MIER1: variants seen among roughly 807,000 people sequenced by gnomAD.
MIER1 encodes MIER1 transcriptional regulator.
A neutral mutation model predicts 75.7 loss-of-function variants in MIER1; 40 were observed. The observed-to-expected ratio is 0.53, with a 90% CI of 0.41 to 0.69. MIER1 has a LOEUF of 0.69. Among genes scored for constraint, MIER1 ranks in the 30% least tolerant of loss-of-function variants. The probability of loss-of-function intolerance (pLI) is 0.00; values close to 1 mark genes in which losing one functional copy is unlikely to be tolerated. For synonymous variants in MIER1, 213 were observed against 223.4 expected (o/e 0.95, Z 0.42); for missense variants, 574 against 680.2 (o/e 0.84, Z 1.74).
At position 66,985,145 on chromosome 1, in the gene MIER1, C is replaced by G; in HGVS notation, c.*245C>G. The G allele has an allele frequency of 4.7e-6, 5 of 1,075,228 alleles. No homozygotes were observed. The highest frequency in any genetic ancestry group is 5.7e-6 in the Non-Finnish European group (5 of 874,706). 66.6% of individuals were successfully genotyped at this position (1,075,228 alleles called of 1,614,324 possible). A position where few individuals can be genotyped will look rare whatever the true frequency, so the allele number is the denominator to read the frequency against. On this transcript the variant is annotated 3_prime_UTR_variant, in exon 14 of 14. Transcript: ENST00000401041. ...TGAATGAACTAAAGATATATCTCTA[C>G]CTTCTCATTTGAATATCTTTAGTTC...
chr1:66,976,307 C>G (rs1171898311), intron 11 of MIER1, among the ~76,000 whole-genome samples: 1 of 152,028 alleles, frequency 6.6e-6, no homozygotes, highest in African/African-American at 2.4e-5. Flanking sequence ...CGGCCAACTT[C>G]CAAGCATTTT....
chr1:66,946,249 T>C lies in MIER1; in HGVS notation c.293T>C (p.Met98Thr). ...CGAACATTAGAAGAGGAAGAAATGA[T>C]GGAAGGAGAAACAAACTTCAGCTCT... ...DERTLEEEEMMEGETNFSSEI... is the reference protein window; with the variant it reads ...DERTLEEEEMTEGETNFSSEI... The change falls in exon 4 of 14, where the codon ATG (methionine) becomes ACG (threonine). Residue 98 changes from methionine to threonine, a missense_variant. Around this residue, in one of 3 missense-constraint regions of MIER1, gnomAD observed 309 missense variants for 352.8 expected, o/e 0.88. Coordinates refer to ENST00000401041, the MANE Select transcript of MIER1 (RefSeq NM_001077700.3). 1 of 1,610,012 alleles carries C rather than the reference T, an allele frequency of 6.2e-7. No homozygotes were observed. Among genetic ancestry groups the C allele is most frequent in the Non-Finnish European group, 8.5e-7 (1 of 1,178,982 alleles).
At chr1:66,926,874 A>G (rs1373041463) in intron 2 of MIER1, among the ~76,000 whole-genome samples, 1 of 152,154 alleles carries the variant, frequency 6.6e-6, no homozygotes, top group African/African-American at 2.4e-5. Context: ...TTCTTGGTGC[A>G]TTTTGAGAGG....
chr1:66,976,405 A>G (rs561037158), intron 11 of MIER1, among the ~76,000 whole-genome samples, 190 bp from the exon 12 acceptor site: 6 of 152,230 alleles, frequency 3.9e-5, no homozygotes, highest in African/African-American at 7.2e-5. Flanking sequence ...CCTGTTGCCA[A>G]TATATTATTT....
rs550716928 is a variant in MIER1 at position 66,933,145 on chromosome 1, G to GACGC, written c.169-6882_169-6879dup. The stretch of plus-strand genomic sequence containing the variant: ...AAATTATTTACCAACCTTCTAAAAG[G>GACGC]ACGCTCTCCTAGTCACACTTGAAGG... On this transcript the variant is annotated intron_variant, in intron 2 of 13. Coordinates refer to ENST00000401041, the MANE Select transcript of MIER1 (RefSeq NM_001077700.3). Among the ~76,000 whole-genome samples the GACGC allele has an allele frequency of 2.5e-4, 38 of 152,160 alleles. No homozygotes were observed. The East Asian group carries it at 3.1e-3, about 12-fold the overall frequency.
At position 66,988,242 on chromosome 1, in the gene MIER1, T is replaced by C. The variant is rs534190051; in HGVS notation, c.*3342T>C. 1 of 152,486 alleles carries C rather than the reference T, an allele frequency of 6.6e-6. No homozygotes were observed. The highest frequency in any genetic ancestry group is 2.1e-4 in the South Asian group (1 of 4,834). 9.4% of individuals were successfully genotyped at this position (152,486 alleles called of 1,614,324 possible). ...CAGGAGTTTCCAAATTTTAACCTTT[T>C]ATTCTAAAAATGACTCTCTTCTCTC... is the stretch of plus-strand genomic sequence containing the variant. On this transcript the variant is annotated 3_prime_UTR_variant, in exon 14 of 14. Transcript: ENST00000401041.
chr1:66,980,907 G>C (rs1359783229), intron 12 of MIER1, among the ~76,000 whole-genome samples: 2 of 152,026 alleles, frequency 1.3e-5, no homozygotes, highest in African/African-American at 2.4e-5. Context: ...TTGCAGGAAA[G>C]CAGTCATAGA....
At chr1:66,925,675 T>C (rs1217326778) in intron 1 of MIER1, 1 of 430,346 alleles carries the variant, frequency 2.3e-6, no homozygotes, top group Non-Finnish European at 3.1e-6. Flanking sequence ...CGCCGCTCTT[T>C]ACTCTTGTTC....
intron 2 of MIER1, chr1:66,932,687 C>T (rs551199970): frequency 1.3e-5 from 2 of 152,134 alleles, no homozygotes; most frequent in South Asian, 2.1e-4. Context: ...AATTATTGTG[C>T]TTTTGATCAA....
intron 3 of MIER1, chr1:66,940,258 T>C (rs12410530): frequency 2.7e-6 from 1 of 376,242 alleles, no homozygotes; most frequent in Admixed American, 5.1e-5. Flanking sequence ...AAAATGACTA[T>C]TTTTGGGTTT....
At chr1:66,960,617 C>A (rs1280962085) in intron 7 of MIER1, among the ~76,000 whole-genome samples, 1 of 152,036 alleles carries the variant, frequency 6.6e-6, no homozygotes, top group Admixed American at 6.5e-5. Flanking sequence ...AGTTTGAGAC[C>A]AGGCTGGGCA....
intron 4 of MIER1, chr1:66,947,808 C>A (rs1182088746): frequency 4.6e-6 from 2 of 434,734 alleles, no homozygotes; most frequent in Non-Finnish European, 6.1e-6. Flanking sequence ...TATCACACTA[C>A]CTCTGTTATA....
At position 66,949,000 on chromosome 1, in the gene MIER1, C is replaced by T. The variant is rs368438002; in HGVS notation, c.339+2705C>T. ...TGTTTAAAAGTAGGAGGCTGGGAAG[C>T]GATTCAAAAACAGTTATAAGGGAAA... is the stretch of plus-strand genomic sequence containing the variant. On this transcript the variant is annotated intron_variant, in intron 4 of 13. Coordinates refer to ENST00000401041, the MANE Select transcript of MIER1 (RefSeq NM_001077700.3). Among the ~76,000 whole-genome samples the T allele has an allele frequency of 4.6e-5, 7 of 152,192 alleles. No homozygotes were observed. In the East Asian group the frequency reaches 1.3e-3, roughly 29 times the overall value.
chr1:66,986,409 T>C lies in MIER1; in HGVS notation c.*1509T>C, dbSNP rs758111279. The C allele has an allele frequency of 6.2e-7, 1 of 1,613,114 alleles. No homozygotes were observed. Among genetic ancestry groups the C allele is most frequent in the East Asian group, 2.2e-5 (1 of 44,812 alleles). The stretch of plus-strand genomic sequence containing the variant: ...TCTTGTTTTTCTCACACAGGCATAC[T>C]CCAAATGCTTCTTCCAGTTCATTTT... On this transcript the variant is annotated 3_prime_UTR_variant, in exon 14 of 14. Coordinates refer to ENST00000401041, the MANE Select transcript of MIER1 (RefSeq NM_001077700.3).
At chr1:66,981,970 T>G (rs1665980830) in intron 13 of MIER1, 52 bp downstream of exon 13, 2 of 1,586,878 alleles carry the variant, frequency 1.3e-6, no homozygotes, top group Non-Finnish European at 1.7e-6. Flanking sequence ...GACACTTTCT[T>G]GCAGTGACTT....
At chr1:66,936,425 G>A (rs1285640815) in intron 2 of MIER1, among the ~76,000 whole-genome samples, 3 of 151,790 alleles carry the variant, frequency 2.0e-5, no homozygotes, top group Non-Finnish European at 4.4e-5. Flanking sequence ...TAGAGACAGC[G>A]TTTTGCCATG....
Position 66,958,959 on chromosome 1 carries a change from C to T in MIER1, c.610C>T (p.Arg204Cys), listed in dbSNP as rs752113662. The change falls in exon 6 of 14, where the codon CGT (arginine) becomes TGT (cysteine). Residue 204 changes from arginine (R) to cysteine (C), a missense_variant. This residue lies in a region of MIER1 where 309 missense variants were observed against 352.8 expected (regional missense o/e 0.88). Coordinates refer to ENST00000401041, the MANE Select transcript of MIER1 (RefSeq NM_001077700.3). ...AGATGCCCAGGAAATAATCCGCCCA[C>T]GTCGATGTAAATATTTTGATACAAG... ...SQDAQEIIRPRRCKYFDTNSE... is the reference protein window; with the variant it reads ...SQDAQEIIRPCRCKYFDTNSE... The T allele has an allele frequency of 2.9e-5, 47 of 1,612,376 alleles. No homozygotes were observed. The highest frequency in any genetic ancestry group is 2.2e-5 in the South Asian group (2 of 90,974).
At chr1:66,944,618 C>G (rs530029617) in intron 3 of MIER1, among the ~76,000 whole-genome samples, 24 of 151,904 alleles carry the variant, frequency 1.6e-4, no homozygotes, top group Non-Finnish European at 2.6e-4. Context: ...GATAGGAGTT[C>G]TCTATGCAGT....
chr1:66,983,598 CT>C lies in MIER1; in HGVS notation c.1370-969del, dbSNP rs35939982. On this transcript the variant is annotated intron_variant, in intron 13 of 13. Transcript: ENST00000401041. ...TCACCTACTATAGAATTTGTATTTA[CT>C]TTTTAAGTAATTTGTATTTACTTAA... Among the ~76,000 whole-genome samples the C allele has an allele frequency of 2.7e-4, 41 of 151,748 alleles. 1 individual carries two copies. The South Asian group carries it at 8.3e-3, about 31-fold the overall frequency.
Sources: allele counts gnomAD v4.1 joint callset (sites outside exome capture counted in the v4.1 genomes callset), GRCh38; gene constraint gnomAD v4.1.1; regional missense constraint gnomAD v4.1.1; transcripts MANE v1.5; gene names NCBI Gene and HGNC (gene_info 2026-07-23, HGNC 2026-07-21).